The following ZNF618 variants were observed in gnomAD, a reference collection of about 807,000 sequenced individuals.
The protein encoded by ZNF618 is neural precursor cell expressed, developmentally down-regulated 10.
ZNF618 carries 34 observed loss-of-function variants against 103.0 expected under a neutral mutation model. That is an observed-to-expected ratio of 0.33 (90% CI 0.25 to 0.44). The LOEUF is 0.44. ZNF618 is among the 20% of genes least tolerant of loss of function. ZNF618 has a pLI of 1.00. For missense variants in ZNF618, 1,059 were observed against 1,295.4 expected (o/e 0.82, Z 2.80); for synonymous variants, 551 against 542.2 (o/e 1.02, Z -0.23).
At chr9:113,912,621 TAA>T (rs1476427493) in intron 1 of ZNF618, among the ~76,000 whole-genome samples, 2 of 152,116 alleles carry the variant, frequency 1.3e-5, no homozygotes, top group Admixed American at 1.3e-4. Flanking sequence ...AGTAAATTGT[TAA>T]AGTCTATTAA....
intron 1 of ZNF618, among the ~76,000 whole-genome samples, chr9:113,889,069 T>C: frequency 6.6e-6 from 1 of 152,178 alleles, no homozygotes; most frequent in South Asian, 2.1e-4. Flanking sequence ...CGGTTATTGC[T>C]GTGCAACAAA....
intron 12 of ZNF618, among the ~76,000 whole-genome samples, chr9:114,035,868 C>G (rs1443378442): frequency 6.6e-6 from 1 of 152,136 alleles, no homozygotes; most frequent in Non-Finnish European, 1.5e-5. Context: ...TTTATTCATT[C>G]ATACATTCAT....
At position 113,879,380 on chromosome 9, in the gene ZNF618, GT is replaced by G. The variant is rs1333621442; in HGVS notation, c.33+2981del. ...AAATCATTTCTGGTTTTGTAGAACT[GT>G]TTTTTTTTTTTTTCTGTTTTTTTTT... On this transcript the variant is annotated intron_variant, in intron 1 of 14. Coordinates refer to ENST00000374126, the MANE Select transcript of ZNF618 (RefSeq NM_001318042.2). Among the ~76,000 whole-genome samples, 218 of 93,050 alleles carry G rather than the reference GT, an allele frequency of 2.3e-3. 2 individuals are homozygous for G. Among genetic ancestry groups the G allele is most frequent in the East Asian group, 0.01 (29 of 2,806 alleles). The allele number at this position is 93,050 out of a possible 152,430, so 61.0% of individuals were successfully genotyped here. A position where few individuals can be genotyped will look rare whatever the true frequency, so the allele number is the denominator to read the frequency against.
rs75923784 is a variant in ZNF618, at chr9:113,899,072, G to A, written c.33+22659G>A. On this transcript the variant is annotated intron_variant, in intron 1 of 14. Coordinates refer to ENST00000374126, the MANE Select transcript of ZNF618 (RefSeq NM_001318042.2). The stretch of plus-strand genomic sequence containing the variant: ...TGTCCCCACATCTGTAACATCTAGC[G>A]GAAATTCCTCAGTAGGTGGCTTGTG... 3.3e-3 allele frequency among the ~76,000 whole-genome samples: 500 copies of A among 152,124 alleles called. 2 individuals carry two copies. The highest frequency in any genetic ancestry group is 0.012 in the African/African-American group (484 of 41,496).
chr9:113,965,019 A>G (rs1029558310), intron 1 of ZNF618, among the ~76,000 whole-genome samples: 1 of 147,478 alleles, frequency 6.8e-6, no homozygotes, highest in Non-Finnish European at 1.5e-5. Flanking sequence ...AAATGTAATC[A>G]TATAAGACAG....
chr9:113,924,585 C>T (rs1277604852), intron 1 of ZNF618, among the ~76,000 whole-genome samples: 1 of 151,032 alleles, frequency 6.6e-6, no homozygotes, highest in African/African-American at 2.4e-5. Context: ...TTCTGCTTGC[C>T]TTTGGTTTAT....
chr9:114,011,613 G>T (rs972496724), intron 9 of ZNF618, among the ~76,000 whole-genome samples: 1 of 152,190 alleles, frequency 6.6e-6, no homozygotes, highest in Non-Finnish European at 1.5e-5. Context: ...GCCACAGAAC[G>T]CGAAAAACGA....
At chr9:113,965,117 A>C (rs1837268449) in intron 1 of ZNF618, among the ~76,000 whole-genome samples, 1 of 151,730 alleles carries the variant, frequency 6.6e-6, no homozygotes, top group Non-Finnish European at 1.5e-5. Context: ...TCGGCTTTTC[A>C]ATTTCCTCAG....
chr9:113,964,508 G>A (rs903788261), intron 1 of ZNF618, among the ~76,000 whole-genome samples: 1 of 151,778 alleles, frequency 6.6e-6, no homozygotes, highest in African/African-American at 2.4e-5. Context: ...ATGAAGGGAG[G>A]AAATTTTTAC....
At chr9:113,958,032 T>C (rs1265970910) in intron 1 of ZNF618, among the ~76,000 whole-genome samples, 1 of 152,094 alleles carries the variant, frequency 6.6e-6, no homozygotes, top group African/African-American at 2.4e-5. Flanking sequence ...ACTCACTCTT[T>C]TGTAAATTGA....
At chr9:113,975,156 G>A (rs1271833828) in intron 2 of ZNF618, among the ~76,000 whole-genome samples, 1 of 152,110 alleles carries the variant, frequency 6.6e-6, no homozygotes, top group East Asian at 1.9e-4. Flanking sequence ...AGGGATGACG[G>A]TGATGGAGCT....
rs1288377120 is a variant in ZNF618, at chr9:114,050,356, GCACGTGTCTGAA to G, written c.*196_*207del. The G allele has an allele frequency of 1.5e-6, 1 of 652,180 alleles. No homozygotes were observed. Among genetic ancestry groups the G allele is most frequent in the Non-Finnish European group, 2.5e-6 (1 of 403,554 alleles). 40.4% of individuals were successfully genotyped at this position (652,180 alleles called of 1,614,324 possible). A position where few individuals can be genotyped will look rare whatever the true frequency, so the allele number is the denominator to read the frequency against. On this transcript the variant is annotated 3_prime_UTR_variant, in exon 15 of 15. Coordinates refer to ENST00000374126, the MANE Select transcript of ZNF618 (RefSeq NM_001318042.2). ...TGTATGTACACAGCCACACGTGTGT[GCACGTGTCTGAA>G]CACGTGCTGTGGTTGTGGGGGTGTG...
At chr9:113,972,003 T>G (rs931042568) in intron 2 of ZNF618, among the ~76,000 whole-genome samples, 1 of 152,192 alleles carries the variant, frequency 6.6e-6, no homozygotes, top group African/African-American at 2.4e-5. Context: ...TGGTCAACAT[T>G]TCTTTGTCAG....
chr9:114,000,408 G>A (rs750056950), intron 4 of ZNF618, among the ~76,000 whole-genome samples: 50 of 152,192 alleles, frequency 3.3e-4, no homozygotes, highest in Non-Finnish European at 4.0e-4. Context: ...GCCCGTGACC[G>A]CATGTGGACC....
intron 2 of ZNF618, among the ~76,000 whole-genome samples, chr9:113,971,459 C>T (rs1837957297): frequency 6.6e-6 from 1 of 152,182 alleles, no homozygotes; most frequent in African/African-American, 2.4e-5. Context: ...AGGCCCAGTG[C>T]TGTATGCTGT....
At position 113,910,536 on chromosome 9, in the gene ZNF618, A is replaced by T. The variant is rs572090138; in HGVS notation, c.33+34123A>T. On this transcript the variant is annotated intron_variant, in intron 1 of 14. Coordinates refer to ENST00000374126, the MANE Select transcript of ZNF618 (RefSeq NM_001318042.2). ...CAGGTGTGCGCGGCTGCTGTGAAGG[A>T]CGTCTTCATGGGCATGCATTTATTT... 5.9e-5 allele frequency among the ~76,000 whole-genome samples: 9 copies of T among 152,226 alleles called. No homozygotes were observed. In the East Asian group the frequency reaches 1.7e-3, roughly 29 times the overall value.
chr9:113,950,962 C>T (rs1285641404), intron 1 of ZNF618, among the ~76,000 whole-genome samples: 5 of 140,672 alleles, frequency 3.6e-5, no homozygotes, highest in Non-Finnish European at 4.6e-5. Flanking sequence ...TGGAGAAGAG[C>T]AGGGACTATG....
intron 9 of ZNF618, among the ~76,000 whole-genome samples, chr9:114,015,916 G>GGGC (rs932502252): frequency 5.4e-4 from 82 of 152,306 alleles, no homozygotes; most frequent in African/African-American, 1.9e-3. Flanking sequence ...GGCTAATTCA[G>GGGC]GGCTCACAGG....
Position 114,056,516 on chromosome 9 carries a change from G to T in ZNF618, c.*6349G>T, listed in dbSNP as rs1476694979. ...CAAGGCAAAAAGATAACTTTTAACA[G>T]TTAGAGAGGATCAGTTGCTTAAATG... is the stretch of plus-strand genomic sequence containing the variant. On this transcript the variant is annotated 3_prime_UTR_variant, in exon 15 of 15. Coordinates refer to ENST00000374126, the MANE Select transcript of ZNF618 (RefSeq NM_001318042.2). The T allele has an allele frequency of 6.6e-6, 1 of 152,210 alleles. No homozygotes were observed. The highest frequency in any genetic ancestry group is 1.5e-5 in the Non-Finnish European group (1 of 68,028). 9.4% of individuals were successfully genotyped at this position (152,210 alleles called of 1,614,324 possible). A position where few individuals can be genotyped will look rare whatever the true frequency, so the allele number is the denominator to read the frequency against.
Sources: gnomAD v4.1 joint callset for allele counts (sites outside exome capture counted in the v4.1 genomes callset) on GRCh38, gnomAD v4.1.1 for gene constraint, MANE v1.5 for transcripts, NCBI Gene and HGNC (gene_info 2026-07-23, HGNC 2026-07-21) for gene names.